Variants in RPH3A observed in about 807,000 individuals in gnomAD.
The protein encoded by RPH3A is rabphilin 3A.
A neutral mutation model predicts 102.2 loss-of-function variants in RPH3A; 48 were observed. The observed-to-expected ratio is 0.47, with a 90% CI of 0.37 to 0.60. RPH3A has a LOEUF of 0.60. Among genes scored for constraint, RPH3A ranks in the 20% least tolerant of loss-of-function variants. The probability of loss-of-function intolerance (pLI) is 0.00; values close to 1 mark genes in which losing one functional copy is unlikely to be tolerated. For missense variants in RPH3A, 781 were observed against 910.1 expected (o/e 0.86, Z 1.83); for synonymous variants, 310 against 324.3 (o/e 0.96, Z 0.47).
At chr12:112,587,970 A>G (rs1410208361) in intron 1 of RPH3A, among the ~76,000 whole-genome samples, 2 of 152,198 alleles carry the variant, frequency 1.3e-5, no homozygotes, top group African/African-American at 4.8e-5. Context: ...AATCTAGATT[A>G]TAATCTTCTT....
chr12:112,887,530 C>T (rs1306100926), intron 16 of RPH3A, among the ~76,000 whole-genome samples: 1 of 152,184 alleles, frequency 6.6e-6, no homozygotes, highest in Non-Finnish European at 1.5e-5. Context: ...TGTTTTATAT[C>T]TTGACCTGGG....
At chr12:112,589,997 C>T (rs184738796) in intron 1 of RPH3A, among the ~76,000 whole-genome samples, 63 of 151,478 alleles carry the variant, frequency 4.2e-4, no homozygotes, top group African/African-American at 1.5e-3. Flanking sequence ...GCAGGAGGAT[C>T]GCTTGAACCC....
intron 1 of RPH3A, among the ~76,000 whole-genome samples, chr12:112,676,814 A>G (rs1031476106): frequency 6.6e-6 from 1 of 152,216 alleles, no homozygotes; most frequent in African/African-American, 2.4e-5. Flanking sequence ...ACATCCTGGC[A>G]TTCCTGTGAG....
At chr12:112,703,324 A>G (rs1271572593) in intron 1 of RPH3A, among the ~76,000 whole-genome samples, 2 of 152,216 alleles carry the variant, frequency 1.3e-5, no homozygotes, top group Non-Finnish European at 2.9e-5. Context: ...AGGATGAAAT[A>G]ATGAAAAGGT....
At chr12:112,676,485 A>G (rs1391152255) in intron 1 of RPH3A, among the ~76,000 whole-genome samples, 2 of 152,200 alleles carry the variant, frequency 1.3e-5, no homozygotes, top group East Asian at 1.9e-4. Flanking sequence ...AGAAAACTGC[A>G]ATCTTGGTGT....
chr12:112,664,681 A>G (rs2040072410), intron 1 of RPH3A, among the ~76,000 whole-genome samples: 1 of 152,070 alleles, frequency 6.6e-6, no homozygotes, highest in Non-Finnish European at 1.5e-5. Flanking sequence ...CAAGTTTTGA[A>G]TGGAAGGTAG....
At chr12:112,633,311 C>T (rs1415544085) in intron 1 of RPH3A, among the ~76,000 whole-genome samples, 1 of 152,166 alleles carries the variant, frequency 6.6e-6, no homozygotes, top group Non-Finnish European at 1.5e-5. Context: ...TTGCTGTGGT[C>T]TTAATGTTTG....
At position 112,849,965 on chromosome 12, in the gene RPH3A, A is replaced by G. The variant is rs145327034; in HGVS notation, c.230+2123A>G. 4.1e-3 allele frequency among the ~76,000 whole-genome samples: 630 copies of G among 152,268 alleles called. 2 individuals carry two copies. Among genetic ancestry groups the G allele is most frequent in the African/African-American group, 0.015 (606 of 41,536 alleles). Reference sequence around the variant, plus strand: ...TGGGGGTCAGGGGAGGTCCTTGTGGACTGAGCAGATCCCAGCTTAAATGAT... The same window carrying G: ...TGGGGGTCAGGGGAGGTCCTTGTGGGCTGAGCAGATCCCAGCTTAAATGAT... On this transcript the variant is annotated intron_variant, in intron 5 of 21. Transcript: ENST00000389385.
intron 1 of RPH3A, among the ~76,000 whole-genome samples, chr12:112,634,688 T>C (rs1234513354): frequency 6.6e-6 from 1 of 152,218 alleles, no homozygotes; most frequent in Admixed American, 6.5e-5. Context: ...TGATTTCTGA[T>C]GGTACCTGCA....
chr12:112,760,347 G>A (rs112026463), intron 1 of RPH3A, among the ~76,000 whole-genome samples: 21 of 152,304 alleles, frequency 1.4e-4, no homozygotes, highest in Non-Finnish European at 2.1e-4. Flanking sequence ...AGGGAGGGAC[G>A]AATATAGTGA....
At chr12:112,635,159 C>T (rs896965977) in intron 1 of RPH3A, among the ~76,000 whole-genome samples, 3 of 152,164 alleles carry the variant, frequency 2.0e-5, no homozygotes, top group Non-Finnish European at 4.4e-5. Flanking sequence ...TTCAACTATG[C>T]CACTATAATA....
intron 16 of RPH3A, among the ~76,000 whole-genome samples, chr12:112,884,604 G>A (rs925773700): frequency 5.9e-5 from 9 of 152,168 alleles, no homozygotes; most frequent in Admixed American, 4.6e-4. Flanking sequence ...GTGTACATAT[G>A]AGTGTTTCCT....
chr12:112,694,648 A>ACG (rs1217977528), intron 1 of RPH3A, among the ~76,000 whole-genome samples: 17 of 111,656 alleles, frequency 1.5e-4, no homozygotes, highest in East Asian at 8.6e-4. Flanking sequence ...GCGCGCGCAC[A>ACG]CGCACACACA....
At chr12:112,793,905 A>C (rs1033235595) in intron 2 of RPH3A, among the ~76,000 whole-genome samples, 1 of 152,208 alleles carries the variant, frequency 6.6e-6, no homozygotes, top group Admixed American at 6.5e-5. Flanking sequence ...ACGAGGCCTC[A>C]GGGCAGCATC....
chr12:112,667,704 GAGAGAGAGAGAGAGAGAA>G (rs1348932105), intron 1 of RPH3A, among the ~76,000 whole-genome samples: 7 of 140,914 alleles, frequency 5.0e-5, no homozygotes, highest in African/African-American at 1.9e-4. Context: ...GAGAGAGAGA[GAGAGAGAGAGAGAGAGAA>G]ATTACTGGAA....
At chr12:112,795,673 A>T (rs1399060320) in intron 2 of RPH3A, among the ~76,000 whole-genome samples, 1 of 152,156 alleles carries the variant, frequency 6.6e-6, no homozygotes, top group African/African-American at 2.4e-5. Flanking sequence ...GTAGCATGAT[A>T]TAGGGATTAA....
At chr12:112,789,567 GAAT>G (rs1445035166), upstream of RPH3A, among the ~76,000 whole-genome samples, 2 of 152,086 alleles carry the variant, frequency 1.3e-5, no homozygotes, top group African/African-American at 4.8e-5. Flanking sequence ...TGCAAGATGG[GAAT>G]AATACTAGTG....
intron 10 of RPH3A, among the ~76,000 whole-genome samples, chr12:112,873,451 G>C (rs549174566): frequency 2.3e-4 from 35 of 152,316 alleles, no homozygotes; most frequent in African/African-American, 7.9e-4. Context: ...AAACTCCCTT[G>C]TTCCAGGGCT....
At position 112,588,863 on chromosome 12, in the gene RPH3A, G is replaced by A. The variant is rs187451102; in HGVS notation, c.-140+13544G>A. Among the ~76,000 whole-genome samples the A allele has an allele frequency of 2.6e-5, 4 of 152,316 alleles. No homozygotes were observed. The East Asian group carries it at 7.7e-4, about 29-fold the overall frequency. On this transcript the variant is annotated intron_variant, in intron 1 of 21. Coordinates refer to the RPH3A transcript ENST00000543106. ...ATTAGACCACAGTGTGACATGTGGA[G>A]CAGCACAGGGGTACCAGGAACATTC... is the stretch of plus-strand genomic sequence containing the variant.
Sources: allele counts gnomAD v4.1 joint callset (sites outside exome capture counted in the v4.1 genomes callset), GRCh38; gene constraint gnomAD v4.1.1; transcripts MANE v1.5; gene names NCBI Gene and HGNC (gene_info 2026-07-23, HGNC 2026-07-21).